CDH4: variants seen among roughly 807,000 people sequenced by gnomAD.
CDH4 encodes cadherin-4.
A neutral mutation model predicts 86.0 loss-of-function variants in CDH4; 33 were observed. The observed-to-expected ratio is 0.38, with a 90% CI of 0.29 to 0.51. The LOEUF is 0.51. CDH4 is among the 20% of genes least tolerant of loss of function. CDH4 has a pLI of 0.86. For missense variants in CDH4, 1,114 were observed against 1,307.4 expected (o/e 0.85, Z 2.28); for synonymous variants, 555 against 549.4 (o/e 1.01, Z -0.14).
intron 2 of CDH4, among the ~76,000 whole-genome samples, chr20:61,353,668 TTCCCCCTCCTCC>T (rs1442059887): frequency 3.7e-4 from 3 of 8,018 alleles, no homozygotes; most frequent in South Asian, 6.6e-3. Flanking sequence ...CTTCCTCCTC[TTCCCCCTCCTCC>T]TCCCCCTCCT....
intron 2 of CDH4, among the ~76,000 whole-genome samples, chr20:61,387,616 A>G (rs1191345553): frequency 6.6e-6 from 1 of 152,226 alleles, no homozygotes; most frequent in Non-Finnish European, 1.5e-5. Flanking sequence ...ACACACAGAC[A>G]AAAAGATACA....
chr20:61,879,349 A>G lies in CDH4; in HGVS notation c.1050+5449A>G, dbSNP rs6121825. 0.26 allele frequency among the ~76,000 whole-genome samples: 39,071 copies of G among 152,038 alleles called. 5,274 individuals are homozygous for G. Among genetic ancestry groups the G allele is most frequent in the East Asian group, 0.44 (2,243 of 5,124 alleles). On this transcript the variant is annotated intron_variant, in intron 7 of 15. Transcript: ENST00000614565. The surrounding 1 kb of genome is among the most constrained non-coding windows in gnomAD (Gnocchi z 4.1). Reference sequence around the variant, plus strand: ...GCTCAGCCACTTCTGAAAAGGACACATCGGTAGTTCCTTTTTCTCTTCCTC... The same window carrying G: ...GCTCAGCCACTTCTGAAAAGGACACGTCGGTAGTTCCTTTTTCTCTTCCTC...
intron 6 of CDH4, among the ~76,000 whole-genome samples, chr20:61,860,428 T>C (rs1286533532): frequency 2.0e-5 from 3 of 152,216 alleles, no homozygotes; most frequent in Non-Finnish European, 4.4e-5. Flanking sequence ...GTCTGAACGA[T>C]GCAGTTTTCT....
chr20:61,813,341 G>A (rs1283739262), intron 4 of CDH4, among the ~76,000 whole-genome samples: 2 of 152,154 alleles, frequency 1.3e-5, no homozygotes, highest in Non-Finnish European at 2.9e-5. Flanking sequence ...AATGTACTTA[G>A]CTACCAAGCA....
At position 61,902,829 on chromosome 20, in the gene CDH4, G is replaced by A. The variant is rs972916584; in HGVS notation, c.1189-7593G>A. Among the ~76,000 whole-genome samples the A allele has an allele frequency of 1.3e-5, 2 of 152,060 alleles. No homozygotes were observed. Among genetic ancestry groups the A allele is most frequent in the East Asian group, 1.9e-4 (1 of 5,180 alleles). ...CGTCTAAGTATGAGGTCAGCGCCTC[G>A]TCACCACCTGTCTCAGAGAGCTGAT... On this transcript the variant is annotated intron_variant, in intron 8 of 15. Coordinates refer to ENST00000614565, the MANE Select transcript of CDH4 (RefSeq NM_001794.5). This position sits in a 1 kb window ranked among gnomAD's most constrained non-coding sequence, Gnocchi z 4.6.
At chr20:61,444,699 G>T (rs1466651706) in intron 2 of CDH4, among the ~76,000 whole-genome samples, 1 of 149,832 alleles carries the variant, frequency 6.7e-6, no homozygotes, top group African/African-American at 2.5e-5. Context: ...GTATACATCT[G>T]TGTCTGTGTG....
At chr20:61,805,067 A>G (rs1031332188) in intron 4 of CDH4, among the ~76,000 whole-genome samples, 1 of 152,200 alleles carries the variant, frequency 6.6e-6, no homozygotes, top group African/African-American at 2.4e-5. Context: ...AGTTCGTGGA[A>G]AGAGAGGTCC....
intron 4 of CDH4, among the ~76,000 whole-genome samples, chr20:61,823,038 G>GGT (rs1399943144): frequency 6.6e-6 from 1 of 152,158 alleles, no homozygotes; most frequent in Non-Finnish European, 1.5e-5. Flanking sequence ...CATGGAGGCT[G>GGT]GTAAGTCCTA....
intron 9 of CDH4, among the ~76,000 whole-genome samples, chr20:61,913,676 C>T (rs1234156513): frequency 6.6e-6 from 1 of 152,244 alleles, no homozygotes; most frequent in Non-Finnish European, 1.5e-5. Context: ...GGTTCTTCCT[C>T]CAGCTGGGGA....
At chr20:61,425,744 C>A (rs1282329399) in intron 2 of CDH4, among the ~76,000 whole-genome samples, 1 of 150,540 alleles carries the variant, frequency 6.6e-6, no homozygotes, top group African/African-American at 2.5e-5. Context: ...GGCAGAATGG[C>A]CAATTGCAGG....
chr20:61,515,928 C>CA (rs1158193597), intron 2 of CDH4, among the ~76,000 whole-genome samples: 1 of 152,146 alleles, frequency 6.6e-6, no homozygotes, highest in East Asian at 1.9e-4. Flanking sequence ...CTATCCCCCC[C>CA]ATCCCGCAGT....
chr20:61,560,822 G>T (rs2086211435), intron 2 of CDH4, among the ~76,000 whole-genome samples: 1 of 152,206 alleles, frequency 6.6e-6, no homozygotes, highest in African/African-American at 2.4e-5. Flanking sequence ...GATAGTCCTG[G>T]CCTTCGCAGC....
At chr20:61,908,343 G>A (rs2054814148) in intron 8 of CDH4, among the ~76,000 whole-genome samples, 1 of 152,160 alleles carries the variant, frequency 6.6e-6, no homozygotes, top group Non-Finnish European at 1.5e-5. Flanking sequence ...CATTGATTGG[G>A]CCAGCAGGGA....
rs140669639 is a variant in CDH4 at position 61,601,973 on chromosome 20, C to T, written c.170-141590C>T. Among the ~76,000 whole-genome samples the T allele has an allele frequency of 2.4e-3, 362 of 152,340 alleles. 2 individuals carry two copies. Among genetic ancestry groups the T allele is most frequent in the African/African-American group, 8.4e-3 (348 of 41,584 alleles). Reference sequence around the variant, plus strand: ...AATGGCAGGACACCGTCTGCCCTGACGCATGCCCACAGTGCCGCCCAGAGC... The same window carrying T: ...AATGGCAGGACACCGTCTGCCCTGATGCATGCCCACAGTGCCGCCCAGAGC... On this transcript the variant is annotated intron_variant, in intron 2 of 15. Transcript: ENST00000614565.
intron 2 of CDH4, among the ~76,000 whole-genome samples, chr20:61,265,018 A>C (rs1186864373): frequency 2.0e-5 from 3 of 146,432 alleles, no homozygotes; most frequent in Non-Finnish European, 3.0e-5. Context: ...TCCTACACAT[A>C]CCCCAGTGGC....
At chr20:61,873,139 G>A (rs1174725749) in intron 6 of CDH4, among the ~76,000 whole-genome samples, 1 of 152,198 alleles carries the variant, frequency 6.6e-6, no homozygotes, top group Non-Finnish European at 1.5e-5. Context: ...AATGCCAGCG[G>A]CCCCCAGTCC....
At chr20:61,893,741 G>A (rs1467502859) in intron 7 of CDH4, among the ~76,000 whole-genome samples, 1 of 139,808 alleles carries the variant, frequency 7.2e-6, no homozygotes, top group Admixed American at 7.3e-5. Flanking sequence ...GGGTGGGTGA[G>A]TGGATGGATG....
chr20:61,784,597 C>G (rs111640921), intron 4 of CDH4, among the ~76,000 whole-genome samples: 20 of 68,262 alleles, frequency 2.9e-4, no homozygotes, highest in African/African-American at 7.1e-4. Flanking sequence ...GACAGTTCTC[C>G]AGGCCCTCCG....
At chr20:61,339,354 C>T (rs985854835) in intron 2 of CDH4, among the ~76,000 whole-genome samples, 1 of 150,516 alleles carries the variant, frequency 6.6e-6, no homozygotes, top group Non-Finnish European at 1.5e-5. Flanking sequence ...GGTGATACTT[C>T]GACTAGAATG....
Sources: gnomAD v4.1 joint callset for allele counts (sites outside exome capture counted in the v4.1 genomes callset) on GRCh38, gnomAD v4.1.1 for gene constraint, Gnocchi (gnomAD v3.1) non-coding constraint, MANE v1.5 for transcripts, NCBI Gene and HGNC (gene_info 2026-07-23, HGNC 2026-07-21) for gene names.